Variants in CD46 observed in about 807,000 individuals in gnomAD.
CD46 encodes CD46 molecule.
CD46 carries 30 observed loss-of-function variants against 53.3 expected under a neutral mutation model. The observed-to-expected ratio is 0.56, with a 90% CI of 0.42 to 0.76. The LOEUF (loss-of-function observed/expected upper bound fraction) is 0.76. CD46 is among the 30% of genes least tolerant of loss of function. The probability of loss-of-function intolerance (pLI) is 0.00; values close to 1 mark genes in which losing one functional copy is unlikely to be tolerated. For synonymous variants in CD46, 142 were observed against 152.0 expected (o/e 0.93, Z 0.48); for missense variants, 409 against 463.0 (o/e 0.88, Z 1.07).
intron 8 of CD46, among the ~76,000 whole-genome samples, chr1:207,778,731 C>T (rs1014567801): frequency 6.6e-6 from 1 of 152,130 alleles, no homozygotes; most frequent in Admixed American, 6.5e-5. Flanking sequence ...ATGCCTCCAG[C>T]TTTGTTCTTT....
At chr1:207,777,096 A>G (rs1658199814) in intron 8 of CD46, among the ~76,000 whole-genome samples, 1 of 152,110 alleles carries the variant, frequency 6.6e-6, no homozygotes, top group Non-Finnish European at 1.5e-5. Context: ...TGAAGTGAAC[A>G]GTTTTTTCCA....
In CD46 at chr1:207,793,630, C is replaced by T. The variant is rs770703333; in HGVS notation, c.*153C>T. The T allele has an allele frequency of 5.2e-6, 8 of 1,532,230 alleles. No individual in the cohort carries two copies. Among genetic ancestry groups the T allele is most frequent in the Non-Finnish European group, 7.2e-6 (8 of 1,105,846 alleles). The allele number at this position is 1,532,230 out of a possible 1,614,324, so 94.9% of individuals were successfully genotyped here. A position where few individuals can be genotyped will look rare whatever the true frequency, so the allele number is the denominator to read the frequency against. ...CCTGGTTTGCCAGTTCATCTTTTGA[C>T]TCTATTAAAATCTTCAATAGTTGTT... is the stretch of plus-strand genomic sequence containing the variant. On this transcript the variant is annotated 3_prime_UTR_variant, in exon 13 of 13. Coordinates refer to ENST00000367042, the MANE Select transcript of CD46 (RefSeq NM_172351.3).
intron 7 of CD46, chr1:207,768,741 G>A (rs1657128615): frequency 6.6e-6 from 1 of 152,178 alleles, no homozygotes; most frequent in Admixed American, 6.5e-5. Flanking sequence ...GTTTCACTTT[G>A]CTTCCAGCAG....
chr1:207,781,941 G>GAA (rs146835484), intron 8 of CD46, among the ~76,000 whole-genome samples: 2 of 144,628 alleles, frequency 1.4e-5, no homozygotes, highest in African/African-American at 5.1e-5. Flanking sequence ...TTCTATTTCA[G>GAA]AAAAAAAAAA....
chr1:207,766,381 T>C (rs965663798), intron 5 of CD46, among the ~76,000 whole-genome samples: 1 of 152,056 alleles, frequency 6.6e-6, no homozygotes, highest in African/African-American at 2.4e-5. Flanking sequence ...TGAAGACAGG[T>C]GAATAGAAAT....
Position 207,757,263 on chromosome 1 carries a change from G to A in CD46, c.286+61G>A, listed in dbSNP as rs1165005471. ...TCTAGAGATTTGCATACATTTTGGGGTACATATTCCACTACGGTGATGATG... is the reference window on the plus strand; with the variant it reads ...TCTAGAGATTTGCATACATTTTGGGATACATATTCCACTACGGTGATGATG... On this transcript the variant is annotated intron_variant, in intron 2 of 12. Transcript: ENST00000367042. The A allele has an allele frequency of 4.3e-6, 6 of 1,391,450 alleles. No individual in the cohort carries two copies. The African/African-American group carries it at 5.7e-5, about 13-fold the overall frequency. The allele number at this position is 1,391,450 out of a possible 1,614,324, so 86.2% of individuals were successfully genotyped here. A position where few individuals can be genotyped will look rare whatever the true frequency, so the allele number is the denominator to read the frequency against.
intron 12 of CD46, among the ~76,000 whole-genome samples, chr1:207,791,001 A>G (rs1225791974): frequency 1.3e-5 from 2 of 152,330 alleles, no homozygotes; most frequent in East Asian, 1.9e-4. Flanking sequence ...CACCTCTTAT[A>G]ATGTGAGGCC....
intron 11 of CD46, among the ~76,000 whole-genome samples, chr1:207,786,236 T>C (rs896159678): frequency 3.3e-5 from 5 of 152,186 alleles, no homozygotes; most frequent in Admixed American, 6.5e-5. Context: ...CACTATCCGA[T>C]TTCCCTCTTA....
In CD46 at chr1:207,794,383, A is replaced by G. The variant is rs1200764930; in HGVS notation, c.*906A>G. ...AACACTGTAGTCTTGTTGTTTTCCC[A>G]AAGAGAACTCCGTATGTTCTCTTAG... On this transcript the variant is annotated 3_prime_UTR_variant, in exon 13 of 13. Coordinates refer to ENST00000367042, the MANE Select transcript of CD46 (RefSeq NM_172351.3). The G allele has an allele frequency of 1.3e-5, 2 of 152,214 alleles. No homozygotes were observed. Among genetic ancestry groups the G allele is most frequent in the African/African-American group, 4.8e-5 (2 of 41,458 alleles). 9.4% of individuals were successfully genotyped at this position (152,214 alleles called of 1,614,324 possible).
At chr1:207,776,000 C>T (rs996885603) in intron 8 of CD46, among the ~76,000 whole-genome samples, 3 of 152,236 alleles carry the variant, frequency 2.0e-5, no homozygotes, top group Non-Finnish European at 2.9e-5. Flanking sequence ...GTAGCCCTTA[C>T]TGAGCTGCGG....
At chr1:207,787,954 G>C (rs1659422360) in intron 11 of CD46, among the ~76,000 whole-genome samples, 1 of 152,134 alleles carries the variant, frequency 6.6e-6, no homozygotes, top group Non-Finnish European at 1.5e-5. Context: ...CATTGGGTTT[G>C]GGGTGGAGCC....
rs531562930 is a variant in CD46, at chr1:207,773,155, A to G, written c.943+2793A>G. ...GGTGTATGTGTCCAGGAATTTATCC[A>G]TTGCTTCTAGATTTTCTAGCTTATT... On this transcript the variant is annotated intron_variant, in intron 8 of 12. Coordinates refer to ENST00000367042, the MANE Select transcript of CD46 (RefSeq NM_172351.3). Among the ~76,000 whole-genome samples the G allele has an allele frequency of 1.8e-4, 27 of 152,178 alleles. 1 individual carries two copies. The South Asian group carries it at 5.6e-3, about 32-fold the overall frequency.
At chr1:207,787,298 C>G (rs1051650539) in intron 11 of CD46, among the ~76,000 whole-genome samples, 1 of 152,154 alleles carries the variant, frequency 6.6e-6, no homozygotes, top group Non-Finnish European at 1.5e-5. Flanking sequence ...TCTTGAACTC[C>G]TGACCTCAGG....
chr1:207,761,917 C>T (rs1345351087), intron 5 of CD46, among the ~76,000 whole-genome samples: 1 of 151,990 alleles, frequency 6.6e-6, no homozygotes, highest in African/African-American at 2.4e-5. Context: ...GTATGAAGAC[C>T]ATGTAGGGGA....
chr1:207,764,720 G>C (rs1335495087), intron 5 of CD46, among the ~76,000 whole-genome samples: 1 of 152,130 alleles, frequency 6.6e-6, no homozygotes, highest in Non-Finnish European at 1.5e-5. Context: ...AACTGAAATG[G>C]ACAGATTCCT....
rs77972041 is a variant in CD46 at position 207,791,176 on chromosome 1, C to T, written c.*41+831C>T. Among the ~76,000 whole-genome samples the T allele has an allele frequency of 6.2e-3, 948 of 152,348 alleles. 12 individuals carry two copies. The highest frequency in any genetic ancestry group is 0.022 in the African/African-American group (909 of 41,582). ...GTCTGGGCCTACCCAGTCCTATATA[C>T]AGTAGTTCCTTCTTATCCACGGGGG... On this transcript the variant is annotated intron_variant, in intron 12 of 12. Coordinates refer to ENST00000367042, the MANE Select transcript of CD46 (RefSeq NM_172351.3).
chr1:207,759,569 A>C, intron 3 of CD46, 70 bp from the exon 4 acceptor site: 1 of 848,908 alleles, frequency 1.2e-6, no homozygotes, highest in Non-Finnish European at 2.0e-6. Context: ...CCATATAAAA[A>C]ATTCCTTCAT....
intron 2 of CD46, 133 bp downstream of exon 2, chr1:207,757,335 A>C: frequency 1.1e-6 from 1 of 932,494 alleles, no homozygotes; most frequent in South Asian, 1.4e-5. Context: ...GCATTTTTGC[A>C]AGCTTTGAGA....
At chr1:207,764,069 G>C (rs1175599488) in intron 5 of CD46, among the ~76,000 whole-genome samples, 1 of 151,910 alleles carries the variant, frequency 6.6e-6, no homozygotes, top group East Asian at 1.9e-4. Context: ...TGAAGGCTAA[G>C]GTTAAATCTT....
Sources: allele counts gnomAD v4.1 joint callset (sites outside exome capture counted in the v4.1 genomes callset), GRCh38; gene constraint gnomAD v4.1.1; transcripts MANE v1.5; gene names NCBI Gene and HGNC (gene_info 2026-07-23, HGNC 2026-07-21).